The following ISM1 variants were observed in gnomAD, a reference collection of about 807,000 sequenced individuals.
ISM1 encodes isthmin 1.
ISM1 carries 25 observed loss-of-function variants against 46.3 expected under a neutral mutation model. The ratio of observed to expected loss-of-function variants is 0.54; its 90% CI spans 0.39 to 0.75. The LOEUF (loss-of-function observed/expected upper bound fraction) is 0.75, where lower values mean the gene tolerates loss of function less well. Among genes scored for constraint, ISM1 ranks in the 30% least tolerant of loss-of-function variants. ISM1 has a pLI of 0.00. For synonymous variants in ISM1, 255 were observed against 256.7 expected, an observed-to-expected ratio of 0.99 and a Z score of 0.06; for missense variants, 536 against 625.4, an observed-to-expected ratio of 0.86 and a Z score of 1.52.
intron 3 of ISM1, among the ~76,000 whole-genome samples, chr20:13,284,750 C>T (rs6041991): frequency 0.094 from 14,349 of 152,226 alleles, 2,107 homozygotes; most frequent in African/African-American, 0.31. Context: ...TTTCACTTCA[C>T]TGTCAGCCTC....
At chr20:13,320,589 AAAAC>A in the ISM1 span, among the ~76,000 whole-genome samples, 5 of 152,218 alleles carry the variant, frequency 3.3e-5, no homozygotes, top group Non-Finnish European at 7.3e-5. Context: ...AGGTGAGAGA[AAAAC>A]AAAGTAACCA....
At chr20:13,240,882 A>G (rs181298122) in intron 1 of ISM1, among the ~76,000 whole-genome samples, 1 of 152,316 alleles carries the variant, frequency 6.6e-6, no homozygotes, top group East Asian at 1.9e-4. Context: ...TCACAAGGGT[A>G]GAGTTCATGT....
At chr20:13,226,308 A>G (rs1327153770) in intron 1 of ISM1, among the ~76,000 whole-genome samples, 2 of 152,192 alleles carry the variant, frequency 1.3e-5, no homozygotes, top group Non-Finnish European at 2.9e-5. Flanking sequence ...TAGAAGCAAA[A>G]GCATAATTTA....
chr20:13,293,166 C>T (rs2040371430), intron 5 of ISM1, among the ~76,000 whole-genome samples: 1 of 149,716 alleles, frequency 6.7e-6, no homozygotes, highest in Admixed American at 6.7e-5. Context: ...CGCCACTGCA[C>T]TCCAGCACTC....
At chr20:13,268,603 C>G (rs543844021) in intron 1 of ISM1, among the ~76,000 whole-genome samples, 1 of 152,328 alleles carries the variant, frequency 6.6e-6, no homozygotes, top group African/African-American at 2.4e-5. Flanking sequence ...TGCTGCAGAG[C>G]AGCCAGCTTT....
At chr20:13,324,929 T>A in the ISM1 span, among the ~76,000 whole-genome samples, 1 of 152,236 alleles carries the variant, frequency 6.6e-6, no homozygotes. Flanking sequence ...CAAGGATCCC[T>A]AGCTTTGATG....
intron 3 of ISM1, among the ~76,000 whole-genome samples, chr20:13,287,095 T>C (rs2040302188): frequency 6.6e-6 from 1 of 152,140 alleles, no homozygotes; most frequent in Non-Finnish European, 1.5e-5. Context: ...TTACTTTTGA[T>C]AAGAGGAACT....
the ISM1 span, among the ~76,000 whole-genome samples, chr20:13,320,987 T>C: frequency 1.3e-5 from 2 of 151,748 alleles, no homozygotes; most frequent in Non-Finnish European, 2.9e-5. Flanking sequence ...TCAGTTGGGG[T>C]CAGGATTTCG....
chr20:13,291,171 G>T (rs8116734), intron 4 of ISM1, among the ~76,000 whole-genome samples: 1 of 152,122 alleles, frequency 6.6e-6, no homozygotes, highest in Non-Finnish European at 1.5e-5. Flanking sequence ...TTCTGTCACC[G>T]CGGAGAGCAG....
At chr20:13,314,320 C>T in the ISM1 span, among the ~76,000 whole-genome samples, 1 of 151,634 alleles carries the variant, frequency 6.6e-6, no homozygotes. Flanking sequence ...ACCCCTACAC[C>T]TAGGCATATG....
intron 2 of ISM1, among the ~76,000 whole-genome samples, chr20:13,278,891 A>G (rs1477392366): frequency 2.0e-5 from 3 of 152,130 alleles, no homozygotes. Flanking sequence ...CTCTCTTTAC[A>G]TGGTCTCTAC....
At chr20:13,324,655 CAAAAT>C in the ISM1 span, among the ~76,000 whole-genome samples, 2 of 152,134 alleles carry the variant, frequency 1.3e-5, no homozygotes, top group African/African-American at 4.8e-5. Context: ...AAATGAAAAA[CAAAAT>C]GATGCCTACA....
At chr20:13,251,692 A>G (rs765456090) in intron 1 of ISM1, among the ~76,000 whole-genome samples, 2 of 152,246 alleles carry the variant, frequency 1.3e-5, no homozygotes, top group Non-Finnish European at 2.9e-5. Context: ...AACAGACTCT[A>G]TCTTCTGACC....
chr20:13,310,500 T>C, the ISM1 span, among the ~76,000 whole-genome samples: 2 of 152,184 alleles, frequency 1.3e-5, no homozygotes, highest in Admixed American at 6.6e-5. Context: ...AAAAATGTAT[T>C]GACATTGGTC....
chr20:13,227,207 T>G (rs1035219316), intron 1 of ISM1, among the ~76,000 whole-genome samples: 2 of 152,176 alleles, frequency 1.3e-5, no homozygotes, highest in African/African-American at 4.8e-5. Context: ...TTTTTCAAAT[T>G]TATTCATTTA....
At chr20:13,228,439 G>A (rs2039553114) in intron 1 of ISM1, among the ~76,000 whole-genome samples, 1 of 152,078 alleles carries the variant, frequency 6.6e-6, no homozygotes, top group Non-Finnish European at 1.5e-5. Context: ...GCAGTTGGCT[G>A]TCTTCTATCT....
In ISM1 at chr20:13,283,927, C is replaced by T. The variant is rs149768335; in HGVS notation, c.643+4029C>T. Among the ~76,000 whole-genome samples the T allele has an allele frequency of 2.6e-3, 401 of 152,194 alleles. 1 individual carries two copies. Among genetic ancestry groups the T allele is most frequent in the African/African-American group, 9.3e-3 (386 of 41,528 alleles). ...AGAGCGTATCTTAAAGCCAGAGCAA[C>T]GTGGGCCAGAATCAAAACTGCTAGA... On this transcript the variant is annotated intron_variant, in intron 3 of 5. Transcript: ENST00000262487.
intron 3 of ISM1, among the ~76,000 whole-genome samples, chr20:13,287,625 C>T (rs184346633): frequency 1.1e-3 from 171 of 152,270 alleles, no homozygotes; most frequent in African/African-American, 3.9e-3. Flanking sequence ...TCTCTTTTCT[C>T]ACTAAAATAT....
At chr20:13,245,889 T>C (rs569413685) in intron 1 of ISM1, among the ~76,000 whole-genome samples, 2 of 152,324 alleles carry the variant, frequency 1.3e-5, no homozygotes, top group East Asian at 3.9e-4. Flanking sequence ...TTCAGCCAAA[T>C]TAGACTCTCA....
Sources: allele counts gnomAD v4.1 joint callset (sites outside exome capture counted in the v4.1 genomes callset), GRCh38; gene constraint gnomAD v4.1.1; transcripts MANE v1.5; gene names NCBI Gene and HGNC (gene_info 2026-07-23, HGNC 2026-07-21).